Variants in GSE1 observed in about 807,000 individuals in gnomAD.
The protein encoded by GSE1 is Gse1 coiled-coil protein, also known as genetic suppressor element 1.
Under a neutral mutation model 112.6 loss-of-function variants are expected in GSE1, and 32 were observed. That is an observed-to-expected ratio of 0.28 (90% CI 0.21 to 0.38). The LOEUF (loss-of-function observed/expected upper bound fraction) is 0.38. Among genes scored for constraint, GSE1 ranks in the 10% least tolerant of loss-of-function variants. The probability of loss-of-function intolerance (pLI) is 1.00; values close to 1 mark genes in which losing one functional copy is unlikely to be tolerated. For synonymous variants in GSE1, 1,115 were observed against 735.6 expected (o/e 1.52, Z -8.35); for missense variants, 2,348 against 1,699.2 (o/e 1.38, Z -6.71).
At chr16:85,428,830 T>C (rs779362116) in intron 2 of GSE1, among the ~76,000 whole-genome samples, 3 of 152,154 alleles carry the variant, frequency 2.0e-5, no homozygotes, top group Non-Finnish European at 4.4e-5. Flanking sequence ...AAATCGATTC[T>C]GCTTCCAGTA....
intron 1 of GSE1, among the ~76,000 whole-genome samples, chr16:85,230,696 C>G (rs1319125266): frequency 6.6e-6 from 1 of 152,228 alleles, no homozygotes; most frequent in Non-Finnish European, 1.5e-5. Context: ...TATGACTGGC[C>G]TACCCCGGGG....
At chr16:85,635,575 C>T (rs913445154) in intron 2 of GSE1, among the ~76,000 whole-genome samples, 8 of 152,214 alleles carry the variant, frequency 5.3e-5, no homozygotes, top group African/African-American at 1.2e-4. Context: ...AGTCGAGACT[C>T]GGGCTCTCCT....
At position 85,277,990 on chromosome 16, in the gene GSE1, G is replaced by T. The variant is rs962493257; in HGVS notation, c.2284-79473G>T. On this transcript the variant is annotated intron_variant, in intron 1 of 2. Coordinates refer to the GSE1 transcript ENST00000637419. ...CAGAGGGGAATGGGTGGGAAAGCAG[G>T]CTTCACGACTCCATTGAGAGCAGTC... 6.6e-5 allele frequency among the ~76,000 whole-genome samples: 10 copies of T among 152,256 alleles called. 1 individual carries two copies.
At chr16:85,633,753 T>C (rs1342946747) in intron 1 of GSE1, among the ~76,000 whole-genome samples, 161 bp from the exon 2 acceptor site, 1 of 152,186 alleles carries the variant, frequency 6.6e-6, no homozygotes, top group Non-Finnish European at 1.5e-5. Flanking sequence ...CTGTTCTCTC[T>C]GCAGCGCTGG....
rs1374793441 is a variant in GSE1 at position 85,674,737 on chromosome 16, CAG to C, written c.*2199_*2200del. 1 of 152,310 alleles carries C rather than the reference CAG, an allele frequency of 6.6e-6. No individual in the cohort carries two copies. Among genetic ancestry groups the C allele is most frequent in the Non-Finnish European group, 1.5e-5 (1 of 68,044 alleles). 9.4% of individuals were successfully genotyped at this position (152,310 alleles called of 1,614,324 possible). On this transcript the variant is annotated 3_prime_UTR_variant, in exon 16 of 16. Transcript: ENST00000253458. ...CTTGGTTGGATTTTCTATGACAGCA[CAG>C]GGGACAGGTGGCACACCATGAGAGG...
intron 1 of GSE1, among the ~76,000 whole-genome samples, chr16:85,316,529 T>A (rs1270160067): frequency 3.9e-5 from 6 of 152,074 alleles, no homozygotes; most frequent in African/African-American, 1.4e-4. Context: ...TGATCTGAGG[T>A]CTCTCCCACT....
chr16:85,591,946 T>C (rs549905240), intron 1 of GSE1, among the ~76,000 whole-genome samples: 37 of 152,136 alleles, frequency 2.4e-4, no homozygotes, highest in Middle Eastern at 6.8e-3. Context: ...GGCTATAGAG[T>C]GCTCAGAATG....
At chr16:85,182,748 T>G (rs960098834) in intron 1 of GSE1, among the ~76,000 whole-genome samples, 2 of 152,104 alleles carry the variant, frequency 1.3e-5, no homozygotes, top group Non-Finnish European at 2.9e-5. Flanking sequence ...ACAGGCGTGC[T>G]GGGAGCCGCC....
chr16:85,516,293 T>C (rs2051933495), intron 2 of GSE1, among the ~76,000 whole-genome samples: 1 of 151,282 alleles, frequency 6.6e-6, no homozygotes, highest in Admixed American at 6.6e-5. Flanking sequence ...TGTGACCTTG[T>C]GACTGTGACT....
At chr16:85,204,532 C>T (rs2075082527) in intron 1 of GSE1, among the ~76,000 whole-genome samples, 1 of 152,242 alleles carries the variant, frequency 6.6e-6, no homozygotes, top group Non-Finnish European at 1.5e-5. Flanking sequence ...TGAGGACCTG[C>T]CAGGCTATTG....
intron 2 of GSE1, among the ~76,000 whole-genome samples, chr16:85,396,746 A>G (rs2151658962): frequency 6.6e-6 from 1 of 152,290 alleles, no homozygotes; most frequent in South Asian, 2.1e-4. Flanking sequence ...TGGGGACTTG[A>G]CCCAGGAGTG....
intron 1 of GSE1, among the ~76,000 whole-genome samples, chr16:85,204,840 G>A (rs2075087629): frequency 6.6e-6 from 1 of 152,324 alleles, no homozygotes; most frequent in South Asian, 2.1e-4. Flanking sequence ...CCAGCCAAGG[G>A]TGCTGTGTGC....
intron 2 of GSE1, among the ~76,000 whole-genome samples, chr16:85,464,352 C>T (rs2050064899): frequency 6.6e-6 from 1 of 152,120 alleles, no homozygotes; most frequent in Non-Finnish European, 1.5e-5. Context: ...GGGTGGGGGG[C>T]AGCCGCTTAG....
intron 2 of GSE1, among the ~76,000 whole-genome samples, chr16:85,424,942 C>A (rs975215083): frequency 3.3e-5 from 5 of 152,262 alleles, no homozygotes; most frequent in African/African-American, 1.2e-4. Flanking sequence ...TGTGTCAGGG[C>A]CTCTTCGGGT....
intron 2 of GSE1, among the ~76,000 whole-genome samples, chr16:85,505,505 T>C (rs527685142): frequency 4.6e-5 from 7 of 152,286 alleles, no homozygotes; most frequent in African/African-American, 1.7e-4. Flanking sequence ...AGAGCATGAT[T>C]TGAAGGTGCC....
chr16:85,626,380 G>C (rs977681608), intron 1 of GSE1, among the ~76,000 whole-genome samples: 1 of 152,258 alleles, frequency 6.6e-6, no homozygotes, highest in Non-Finnish European at 1.5e-5. Flanking sequence ...AGGGTGACCC[G>C]ACCTCGTTAG....
At chr16:85,208,463 C>T (rs2143630793) in intron 1 of GSE1, among the ~76,000 whole-genome samples, 1 of 152,326 alleles carries the variant, frequency 6.6e-6, no homozygotes, top group Non-Finnish European at 1.5e-5. Flanking sequence ...TGACGCTTTG[C>T]CTGACGCTGG....
intron 2 of GSE1, among the ~76,000 whole-genome samples, chr16:85,504,058 C>A (rs540446849): frequency 6.6e-6 from 1 of 152,250 alleles, no homozygotes; most frequent in East Asian, 1.9e-4. Flanking sequence ...CTGCCTCCCA[C>A]GGTGCTGCCC....
chr16:85,297,815 T>C (rs2045410799), intron 1 of GSE1, among the ~76,000 whole-genome samples: 1 of 152,114 alleles, frequency 6.6e-6, no homozygotes, highest in Admixed American at 6.5e-5. Context: ...CTGGCCCTTA[T>C]CTTTTGAGTT....
Sources: gnomAD v4.1 joint callset for allele counts (sites outside exome capture counted in the v4.1 genomes callset) on GRCh38, gnomAD v4.1.1 for gene constraint, MANE v1.5 for transcripts, NCBI Gene and HGNC (gene_info 2026-07-23, HGNC 2026-07-21) for gene names.